The following MARCHF3 variants were observed in gnomAD, a reference collection of about 807,000 sequenced individuals.
The protein encoded by MARCHF3 is E3 ubiquitin-protein ligase MARCHF3.
In MARCHF3, 13 loss-of-function variants were observed where a neutral mutation model predicts 24.2. The observed-to-expected ratio is 0.54, with a 90% CI of 0.35 to 0.85. The LOEUF (loss-of-function observed/expected upper bound fraction) is 0.85, where lower values mean the gene tolerates loss of function less well. Among genes scored for constraint, MARCHF3 ranks in the 40% least tolerant of loss-of-function variants. MARCHF3 has a pLI of 0.01. For synonymous variants in MARCHF3, 144 were observed against 137.3 expected, an observed-to-expected ratio of 1.05 and a Z score of -0.34; for missense variants, 276 against 325.0, an observed-to-expected ratio of 0.85 and a Z score of 1.16.
intron 1 of MARCHF3, among the ~76,000 whole-genome samples, chr5:127,015,231 T>C (rs759072691): frequency 6.6e-5 from 10 of 152,194 alleles, no homozygotes; most frequent in Non-Finnish European, 1.3e-4. Context: ...GTATATTTCA[T>C]AGTAAGTTAC....
At chr5:126,946,798 C>CTG (rs941622542) in intron 1 of MARCHF3, among the ~76,000 whole-genome samples, 1 of 75,710 alleles carries the variant, frequency 1.3e-5, no homozygotes, top group East Asian at 4.8e-4. Flanking sequence ...GTGTGTGTGT[C>CTG]TGTGTGTGTG....
In MARCHF3 at chr5:126,947,282, C is replaced by T. The variant is rs189198917; in HGVS notation, c.-56-29055G>A. On this transcript the variant is annotated intron_variant, in intron 1 of 4. Transcript: ENST00000308660. ...TTTAAAGCCCATTCTTTACAGCAAG[C>T]TGTGACAGACATCAGGGCTCCTTCA... 2.6e-5 allele frequency among the ~76,000 whole-genome samples: 4 copies of T among 152,326 alleles called. No individual in the cohort carries two copies. In the East Asian group the frequency reaches 7.7e-4, roughly 29 times the overall value.
At chr5:127,006,607 C>T (rs1270138920) in intron 1 of MARCHF3, among the ~76,000 whole-genome samples, 1 of 152,090 alleles carries the variant, frequency 6.6e-6, no homozygotes, top group Non-Finnish European at 1.5e-5. Flanking sequence ...CTTATTATCA[C>T]AGAAATAGTT....
rs922281570 is a variant in MARCHF3, at chr5:126,896,059, G to A, written c.394-17665C>T. Among the ~76,000 whole-genome samples, 2 of 152,172 alleles carry A rather than the reference G, an allele frequency of 1.3e-5. 1 individual carries two copies. Among genetic ancestry groups the A allele is most frequent in the African/African-American group, 4.8e-5 (2 of 41,426 alleles). ...GGAAAAGCGCAGTATTCCGGTGGGA[G>A]TGACCCGATTTTCCAGGTGCCGTCC... is the stretch of plus-strand genomic sequence containing the variant. On this transcript the variant is annotated intron_variant, in intron 3 of 4. Transcript: ENST00000308660.
At chr5:126,916,684 GACAGACAGAC>G (rs1204028311) in intron 2 of MARCHF3, among the ~76,000 whole-genome samples, 6 of 93,434 alleles carry the variant, frequency 6.4e-5, no homozygotes, top group African/African-American at 2.8e-4. Context: ...CTGACAGACA[GACAGACAGAC>G]ACACACACAC....
rs541458850 is a variant in MARCHF3 at position 126,877,704 on chromosome 5, C to T, written c.603+481G>A. On this transcript the variant is annotated intron_variant, in intron 4 of 4. Transcript: ENST00000308660. The stretch of plus-strand genomic sequence containing the variant: ...AATCACCAGGCAAAGTGCGGCTCCA[C>T]GTCCAACAAAGACTTTAGGCTGTGT... Among the ~76,000 whole-genome samples the T allele has an allele frequency of 7.9e-5, 12 of 152,256 alleles. No homozygotes were observed. In the South Asian group the frequency reaches 8.3e-4, roughly 11 times the overall value.
At chr5:126,956,512 G>A (rs1422425897) in intron 1 of MARCHF3, among the ~76,000 whole-genome samples, 2 of 151,500 alleles carry the variant, frequency 1.3e-5, no homozygotes, top group Non-Finnish European at 2.9e-5. Context: ...AGGTGTGGTG[G>A]CGGGCACCTG....
chr5:127,019,454 C>T (rs1420134283), intron 1 of MARCHF3, among the ~76,000 whole-genome samples: 4 of 152,196 alleles, frequency 2.6e-5, no homozygotes, highest in African/African-American at 7.2e-5. Flanking sequence ...CACTGACAGA[C>T]GGACATGCAA....
chr5:126,966,830 G>T lies in MARCHF3; in HGVS notation c.-56-48603C>A, dbSNP rs370525523. ...GGCTGTTTGCTTTTATGCTAACAGT[G>T]GCCTTAGAATACTGAGCTCTTTAAA... is the stretch of plus-strand genomic sequence containing the variant. On this transcript the variant is annotated intron_variant, in intron 1 of 4. Coordinates refer to ENST00000308660, the MANE Select transcript of MARCHF3 (RefSeq NM_178450.5). Among the ~76,000 whole-genome samples, 11 of 145,348 alleles carry T rather than the reference G, an allele frequency of 7.6e-5. No homozygotes were observed. In the East Asian group the frequency reaches 1.9e-3, roughly 25 times the overall value.
chr5:126,923,406 T>C (rs758479588), intron 1 of MARCHF3, among the ~76,000 whole-genome samples: 30 of 152,206 alleles, frequency 2.0e-4, no homozygotes, highest in Non-Finnish European at 4.4e-4. Context: ...TTTGTTATAC[T>C]GGCACCTCTA....
Position 126,944,262 on chromosome 5 carries a change from T to C in MARCHF3, c.-56-26035A>G, listed in dbSNP as rs534454621. ...TGTCTGTACAGTATTCACACTTCTC[T>C]GAACCACTGCACTCCTTCCTCTAAT... On this transcript the variant is annotated intron_variant, in intron 1 of 4. Transcript: ENST00000308660. Among the ~76,000 whole-genome samples, 11 of 152,288 alleles carry C rather than the reference T, an allele frequency of 7.2e-5. No individual in the cohort carries two copies. In the East Asian group the frequency reaches 2.1e-3, roughly 29 times the overall value.
At chr5:126,904,530 A>G (rs1410538967) in intron 3 of MARCHF3, among the ~76,000 whole-genome samples, 3 of 148,772 alleles carry the variant, frequency 2.0e-5, no homozygotes, top group South Asian at 2.2e-4. Context: ...ATGGTATCTC[A>G]TTGTGGCTTT....
At chr5:126,944,991 A>T (rs1029544138) in intron 1 of MARCHF3, among the ~76,000 whole-genome samples, 1 of 152,104 alleles carries the variant, frequency 6.6e-6, no homozygotes, top group Non-Finnish European at 1.5e-5. Flanking sequence ...AATACCAGTC[A>T]CTTTTTTTGC....
intron 1 of MARCHF3, among the ~76,000 whole-genome samples, chr5:126,932,173 C>T (rs1350797180): frequency 1.3e-5 from 2 of 152,242 alleles, no homozygotes; most frequent in African/African-American, 4.8e-5. Flanking sequence ...ACATTTATCA[C>T]TATACTGACA....
chr5:126,875,316 C>T (rs1055998366), intron 4 of MARCHF3, among the ~76,000 whole-genome samples: 8 of 152,172 alleles, frequency 5.3e-5, no homozygotes, highest in Non-Finnish European at 1.0e-4. Context: ...TGTGTCAAGG[C>T]TGGACCTGCA....
intron 3 of MARCHF3, among the ~76,000 whole-genome samples, chr5:126,886,519 T>C: frequency 6.6e-6 from 1 of 152,148 alleles, no homozygotes; most frequent in Non-Finnish European, 1.5e-5. Context: ...CTCAACAGAA[T>C]AAGGATGCTG....
chr5:126,974,635 T>TG (rs1469689334), intron 1 of MARCHF3, among the ~76,000 whole-genome samples: 6 of 152,220 alleles, frequency 3.9e-5, no homozygotes, highest in Admixed American at 3.9e-4. Context: ...TTTCTAGCAC[T>TG]GTTTGTCAGA....
chr5:126,881,388 A>G (rs1388064463), intron 3 of MARCHF3, among the ~76,000 whole-genome samples: 1 of 152,208 alleles, frequency 6.6e-6, no homozygotes, highest in Non-Finnish European at 1.5e-5. Context: ...ATTGAGGAAA[A>G]GAAAAAAGTA....
chr5:127,029,437 A>G (rs907259152), intron 1 of MARCHF3, among the ~76,000 whole-genome samples: 14 of 152,208 alleles, frequency 9.2e-5, no homozygotes, highest in African/African-American at 3.1e-4. Context: ...TATTCCGCAC[A>G]TAATATAAAC....
Sources: gnomAD v4.1 joint callset for allele counts (sites outside exome capture counted in the v4.1 genomes callset) on GRCh38, gnomAD v4.1.1 for gene constraint, MANE v1.5 for transcripts, NCBI Gene and HGNC (gene_info 2026-07-23, HGNC 2026-07-21) for gene names.